The following PLPPR2 variants were observed in gnomAD, a reference collection of about 807,000 sequenced individuals.
PLPPR2 encodes phospholipid phosphatase related 2.
PLPPR2 carries 11 observed loss-of-function variants against 40.3 expected under a neutral mutation model. The ratio of observed to expected loss-of-function variants is 0.27; its 90% CI spans 0.17 to 0.45. PLPPR2 has a LOEUF of 0.45. PLPPR2 is among the 20% of genes least tolerant of loss of function. The pLI is 1.00. For synonymous variants in PLPPR2, 260 were observed against 290.8 expected, an observed-to-expected ratio of 0.89 and a Z score of 1.08; for missense variants, 497 against 640.7, an observed-to-expected ratio of 0.78 and a Z score of 2.42.
At chr19:11,358,973 C>T (rs1967969904) in intron 3 of PLPPR2, among the ~76,000 whole-genome samples, 1 of 152,188 alleles carries the variant, frequency 6.6e-6, no homozygotes, top group South Asian at 2.1e-4. Context: ...CCTCAGCCTC[C>T]CAAAGTGCTG....
Position 11,364,233 on chromosome 19 carries a change from G to A in PLPPR2, c.1015+21G>A, listed in dbSNP as rs1160399455. The A allele has an allele frequency of 1.9e-6, 3 of 1,602,134 alleles. No individual in the cohort carries two copies. The highest frequency in any genetic ancestry group is 4.5e-5 in the East Asian group (2 of 44,570). On this transcript the variant is annotated intron_variant, in intron 9 of 9. Coordinates refer to ENST00000688289, the MANE Select transcript of PLPPR2 (RefSeq NM_001393892.1). This position sits in a 1 kb window ranked among gnomAD's most constrained non-coding sequence, Gnocchi z 5.8. ...ATCCAGTGAGTGTTGGGGGAGTGGG[G>A]GGCTAAACAGGGGGACTTCCAGGTG... is the stretch of plus-strand genomic sequence containing the variant.
Position 11,362,825 on chromosome 19 carries a change from A to T in PLPPR2, c.840+136A>T. The T allele has an allele frequency of 2.0e-6, 2 of 1,004,946 alleles. No homozygotes were observed. Among genetic ancestry groups the T allele is most frequent in the Non-Finnish European group, 2.8e-6 (2 of 706,588 alleles). The allele number at this position is 1,004,946 out of a possible 1,614,324, so 62.3% of individuals were successfully genotyped here. A position where few individuals can be genotyped will look rare whatever the true frequency, so the allele number is the denominator to read the frequency against. ...AATCCCTTAACATTACCCTTCCTGG[A>T]TATTCTCATCTGTGAAATGAGATAC... On this transcript the variant is annotated intron_variant, in intron 7 of 9. Coordinates refer to ENST00000688289, the MANE Select transcript of PLPPR2 (RefSeq NM_001393892.1). The surrounding 1 kb of genome is among the most constrained non-coding windows in gnomAD (Gnocchi z 5.3).
At chr19:11,355,739 C>T (rs1967848126) in intron 1 of PLPPR2, among the ~76,000 whole-genome samples, 167 bp downstream of exon 1, 1 of 152,214 alleles carries the variant, frequency 6.6e-6, no homozygotes. Context: ...GGAGGGGACC[C>T]CGGGCCGAGG....
rs1209063194 is a variant in PLPPR2 at position 11,363,403 on chromosome 19, T to C, written c.841-310T>C. The stretch of plus-strand genomic sequence containing the variant: ...AGGTGGAGTTTGCAGTGAGCTGAGA[T>C]TGCACCACTGCACTCCAGCCTGGGT... On this transcript the variant is annotated intron_variant, in intron 7 of 9. Transcript: ENST00000688289. This position sits in a 1 kb window ranked among gnomAD's most constrained non-coding sequence, Gnocchi z 4.8. Among the ~76,000 whole-genome samples, 1 of 152,042 alleles carries C rather than the reference T, an allele frequency of 6.6e-6. No individual in the cohort carries two copies. The highest frequency in any genetic ancestry group is 6.6e-5 in the Admixed American group (1 of 15,256).
At position 11,359,599 on chromosome 19, in the gene PLPPR2, A is replaced by G; in HGVS notation, c.134A>G (p.His45Arg). The change falls in exon 4 of 10, where the codon CAC becomes CGC. Residue 45 changes from histidine to arginine, a missense_variant. Transcript: ENST00000688289. This position sits in a 1 kb window ranked among gnomAD's most constrained non-coding sequence, Gnocchi z 5.6. Reference sequence around the variant, plus strand: ...GAGTTCACGGACACCTTCCCTGTGCACACCCAGGGATTCTTCTGCTATGAC... The same window carrying G: ...GAGTTCACGGACACCTTCCCTGTGCGCACCCAGGGATTCTTCTGCTATGAC... ...RLEFTDTFPV[H>R]TQGFFCYDST... The G allele has an allele frequency of 1.2e-6, 2 of 1,610,854 alleles. No homozygotes were observed. The highest frequency in any genetic ancestry group is 4.5e-5 in the East Asian group (2 of 44,764).
chr19:11,361,434 C>T lies in PLPPR2; in HGVS notation c.609C>T (p.Arg203=), dbSNP rs747365425. ...CCAGCCTCGTGGCCGCCGCGCGCCG[C>T]GCCTTCCCCTGCAAGGATGCGGCCC... ...GSPSLVAAAR[R]AFPCKDAALC... is the part of the protein sequence containing the mutation. The change falls in exon 6 of 10, where the codon CGC becomes CGT. Residue 203 remains arginine, a synonymous_variant. Coordinates refer to ENST00000688289, the MANE Select transcript of PLPPR2 (RefSeq NM_001393892.1). The surrounding 1 kb of genome is among the most constrained non-coding windows in gnomAD (Gnocchi z 6.3). The T allele has an allele frequency of 1.9e-6, 3 of 1,605,536 alleles. No homozygotes were observed. Among genetic ancestry groups the T allele is most frequent in the East Asian group, 2.2e-5 (1 of 44,876 alleles).
At chr19:11,355,969 T>G (rs1467963936) in intron 1 of PLPPR2, among the ~76,000 whole-genome samples, 1 of 151,722 alleles carries the variant, frequency 6.6e-6, no homozygotes, top group Non-Finnish European at 1.5e-5. Flanking sequence ...CTGGCTATGC[T>G]GTGACTGCCA....
At chr19:11,357,491 A>C in intron 2 of PLPPR2, 169 bp from the exon 3 acceptor site, 1 of 485,388 alleles carries the variant, frequency 2.1e-6, no homozygotes, top group East Asian at 3.5e-5. Flanking sequence ...CAGGACCTGG[A>C]TTGCAGAGGC....
Position 11,362,306 on chromosome 19 carries a change from A to T in PLPPR2, c.664-207A>T. The T allele has an allele frequency of 1.7e-6, 1 of 577,162 alleles. No homozygotes were observed. The allele number at this position is 577,162 out of a possible 1,614,324, so 35.8% of individuals were successfully genotyped here. On this transcript the variant is annotated intron_variant, in intron 6 of 9. Coordinates refer to ENST00000688289, the MANE Select transcript of PLPPR2 (RefSeq NM_001393892.1). This position sits in a 1 kb window ranked among gnomAD's most constrained non-coding sequence, Gnocchi z 5.3. Reference sequence around the variant, plus strand: ...CAGGTGGTGCCCACGAGACTCCAAGACCTCAATCCCTGACCCCCCCCCCTT... The same window carrying T: ...CAGGTGGTGCCCACGAGACTCCAAGTCCTCAATCCCTGACCCCCCCCCCTT...
Position 11,365,180 on chromosome 19 carries a change from G to A in PLPPR2, c.*490G>A, listed in dbSNP as rs1446596902. The A allele has an allele frequency of 1.8e-5, 3 of 168,058 alleles. No homozygotes were observed. The highest frequency in any genetic ancestry group is 5.7e-5 in the Admixed American group (1 of 17,672). The allele number at this position is 168,058 out of a possible 1,614,324, so 10.4% of individuals were successfully genotyped here. A position where few individuals can be genotyped will look rare whatever the true frequency, so the allele number is the denominator to read the frequency against. On this transcript the variant is annotated 3_prime_UTR_variant, in exon 10 of 10. Transcript: ENST00000688289. ...CGTGTCTAAGCATGTGCAAAGGAGA[G>A]GAGGGAGATGAGGTCATTGTTTGTC...
intron 1 of PLPPR2, among the ~76,000 whole-genome samples, chr19:11,355,928 G>A (rs530163510): frequency 1.3e-5 from 2 of 151,858 alleles, no homozygotes; most frequent in East Asian, 1.9e-4. Flanking sequence ...TGTCGTTGTG[G>A]GTGTCACTCT....
intron 2 of PLPPR2, 31 bp from the exon 3 acceptor site, chr19:11,357,628 CT>C (rs1168154711): frequency 4.5e-6 from 7 of 1,549,048 alleles, no homozygotes; most frequent in East Asian, 2.3e-5. Context: ...GGCACACCCC[CT>C]GGGACTCCCA....
In PLPPR2 at chr19:11,359,476, G is replaced by A. The variant is rs561677500; in HGVS notation, c.67-56G>A. 104 of 1,479,824 alleles carry A rather than the reference G, an allele frequency of 7.0e-5. No homozygotes were observed. In the African/African-American group the frequency reaches 1.4e-3, roughly 19 times the overall value. The allele number at this position is 1,479,824 out of a possible 1,614,324, so 91.7% of individuals were successfully genotyped here. A position where few individuals can be genotyped will look rare whatever the true frequency, so the allele number is the denominator to read the frequency against. ...CTCTGCCTCTGTGGCCTCAGCTGGA[G>A]TCCTGACCTCTCTCTTCTCTCTCCG... is the stretch of plus-strand genomic sequence containing the variant. On this transcript the variant is annotated intron_variant, in intron 3 of 9. Transcript: ENST00000688289. This position sits in a 1 kb window ranked among gnomAD's most constrained non-coding sequence, Gnocchi z 5.6.
At chr19:11,357,452 T>G (rs1350305128) in intron 2 of PLPPR2, among the ~76,000 whole-genome samples, 1 of 151,838 alleles carries the variant, frequency 6.6e-6, no homozygotes, top group Non-Finnish European at 1.5e-5. Flanking sequence ...AGGAGGCAGG[T>G]GTCCCCAGTA....
chr19:11,359,414 G>C lies in PLPPR2; in HGVS notation c.67-118G>C. On this transcript the variant is annotated intron_variant, in intron 3 of 9. Coordinates refer to ENST00000688289, the MANE Select transcript of PLPPR2 (RefSeq NM_001393892.1). The surrounding 1 kb of genome is among the most constrained non-coding windows in gnomAD (Gnocchi z 5.6). The stretch of plus-strand genomic sequence containing the variant: ...TGTCTCTGTCTCTCTCCATCTTCTA[G>C]TTTCTGTCTCTAACCCATGTTTCTC... 1 of 910,804 alleles carries C rather than the reference G, an allele frequency of 1.1e-6. No individual in the cohort carries two copies. Among genetic ancestry groups the C allele is most frequent in the Non-Finnish European group, 1.5e-6 (1 of 646,002 alleles). The allele number at this position is 910,804 out of a possible 1,614,324, so 56.4% of individuals were successfully genotyped here.
chr19:11,357,761 C>A, intron 3 of PLPPR2, 22 bp downstream of exon 3: 1 of 1,578,684 alleles, frequency 6.3e-7, no homozygotes. Flanking sequence ...CGTACCTCTC[C>A]CAGAGACGGC....
At position 11,361,358 on chromosome 19, in the gene PLPPR2, G is replaced by A; in HGVS notation, c.533G>A (p.Arg178Gln). Reference sequence around the variant, plus strand: ...GGCTGCCTGCCACCTTCTCCGGATCGGCCAGGTCCCGACCGCTTTGTCACT... The same window carrying A: ...GGCTGCCTGCCACCTTCTCCGGATCAGCCAGGTCCCGACCGCTTTGTCACT... ...ALGCLPPSPD[R>Q]PGPDRFVTDQ... The change falls in exon 6 of 10, where the codon CGG (arginine) becomes CAG (glutamine). Residue 178 changes from arginine (R) to glutamine (Q), a missense_variant. Transcript: ENST00000688289. This position sits in a 1 kb window ranked among gnomAD's most constrained non-coding sequence, Gnocchi z 6.3. 1 of 1,612,860 alleles carries A rather than the reference G, an allele frequency of 6.2e-7. No individual in the cohort carries two copies. The highest frequency in any genetic ancestry group is 8.5e-7 in the Non-Finnish European group (1 of 1,179,950).
Position 11,364,181 on chromosome 19 carries a change from G to A in PLPPR2, c.984G>A (p.Pro328=), listed in dbSNP as rs201858119. The A allele has an allele frequency of 2.5e-5, 40 of 1,611,868 alleles. No individual in the cohort carries two copies. Among genetic ancestry groups the A allele is most frequent in the East Asian group, 6.7e-5 (3 of 44,808 alleles). The part of the protein sequence containing the change: ...SVAQEPEVCR[P]HSTPARLTPS... Reference sequence around the variant, plus strand: ...CTCAGGAACCCGAGGTCTGCAGGCCGCATTCGACACCGGCACGGCTCACCC... The same window carrying A: ...CTCAGGAACCCGAGGTCTGCAGGCCACATTCGACACCGGCACGGCTCACCC... Residue 328 remains proline, a synonymous_variant, in exon 9 of 10, where the codon CCG becomes CCA. Coordinates refer to ENST00000688289, the MANE Select transcript of PLPPR2 (RefSeq NM_001393892.1). The surrounding 1 kb of genome is among the most constrained non-coding windows in gnomAD (Gnocchi z 5.8).
chr19:11,360,791 C>CT (rs1283073152), intron 5 of PLPPR2, among the ~76,000 whole-genome samples: 2 of 152,030 alleles, frequency 1.3e-5, no homozygotes, highest in Non-Finnish European at 2.9e-5. Flanking sequence ...AGACCCAGCT[C>CT]TAACTTATTA....
Sources: allele counts gnomAD v4.1 joint callset (sites outside exome capture counted in the v4.1 genomes callset), GRCh38; gene constraint gnomAD v4.1.1; non-coding constraint Gnocchi (gnomAD v3.1); transcripts MANE v1.5; gene names NCBI Gene and HGNC (gene_info 2026-07-23, HGNC 2026-07-21).